The following LARS1 variants were observed in gnomAD, a reference collection of about 807,000 sequenced individuals.
The protein encoded by LARS1 is leucyl-tRNA synthetase 1.
LARS1 carries 100 observed loss-of-function variants against 162.8 expected under a neutral mutation model. The observed-to-expected ratio is 0.61, with a 90% confidence interval of 0.52 to 0.73. LARS1 has a LOEUF of 0.73. Among genes scored for constraint, LARS1 ranks in the 30% least tolerant of loss-of-function variants. LARS1 has a pLI of 0.00. For missense variants in LARS1, 1,258 were observed against 1,408.9 expected, an observed-to-expected ratio of 0.89 and a Z score of 1.71; for synonymous variants, 457 against 462.8, an observed-to-expected ratio of 0.99 and a Z score of 0.16.
chr5:146,176,985 TAAAAC>T (rs767606537), intron 2 of LARS1, among the ~76,000 whole-genome samples: 11 of 152,028 alleles, frequency 7.2e-5, no homozygotes, highest in South Asian at 2.1e-4. Context: ...CTGTAGTCTT[TAAAAC>T]AAAACAAAAC....
chr5:146,128,883 A>G, intron 26 of LARS1, 95 bp downstream of exon 26: 1 of 1,438,528 alleles, frequency 7.0e-7, no homozygotes, highest in Non-Finnish European at 9.5e-7. Flanking sequence ...TTCACCATTA[A>G]TGAAAATCTT....
At chr5:146,137,144 C>T (rs1425164072) in intron 21 of LARS1, among the ~76,000 whole-genome samples, 3 of 152,176 alleles carry the variant, frequency 2.0e-5, no homozygotes, top group Non-Finnish European at 2.9e-5. Flanking sequence ...GTGATCCACC[C>T]GCCTTGGCCT....
At chr5:146,120,260 A>G in intron 31 of LARS1, 111 bp downstream of exon 31, 1 of 1,155,264 alleles carries the variant, frequency 8.7e-7, no homozygotes, top group South Asian at 1.4e-5. Context: ...TTTTTCCATA[A>G]TAATACACAG....
intron 18 of LARS1, 77 bp from the exon 19 acceptor site, chr5:146,143,627 T>C: frequency 7.7e-7 from 1 of 1,306,542 alleles, no homozygotes. Context: ...AGAAGGGGGC[T>C]ATAACATTTA....
intron 21 of LARS1, among the ~76,000 whole-genome samples, chr5:146,136,875 T>A (rs929397970): frequency 6.6e-6 from 1 of 152,232 alleles, no homozygotes; most frequent in South Asian, 2.1e-4. Context: ...TCAGCTGCCA[T>A]TTGTTTAAAG....
At chr5:146,144,192 G>T in intron 18 of LARS1, 75 bp downstream of exon 18, 1 of 1,086,394 alleles carries the variant, frequency 9.2e-7, no homozygotes, top group Non-Finnish European at 1.4e-6. Flanking sequence ...TGAGGGCAGG[G>T]GGGAAAGGTA....
chr5:146,115,514 C>G (rs1366533835), intron 31 of LARS1, among the ~76,000 whole-genome samples: 3 of 132,426 alleles, frequency 2.3e-5, no homozygotes, highest in Non-Finnish European at 4.6e-5. Context: ...AGGATGAGGT[C>G]TAATACCCAC....
intron 15 of LARS1, among the ~76,000 whole-genome samples, chr5:146,145,311 C>T (rs1172195835): frequency 6.6e-6 from 1 of 152,010 alleles, no homozygotes; most frequent in African/African-American, 2.4e-5. Context: ...TCTCGAACCC[C>T]TGGGCTCAAG....
chr5:146,152,076 C>A, intron 13 of LARS1, 74 bp from the exon 14 acceptor site: 1 of 1,495,146 alleles, frequency 6.7e-7, no homozygotes, highest in Non-Finnish European at 9.2e-7. Flanking sequence ...AGTCCTTTTG[C>A]CTCTAATGTC....
intron 27 of LARS1, among the ~76,000 whole-genome samples, chr5:146,127,646 C>T (rs1322264215): frequency 6.6e-6 from 1 of 152,072 alleles, no homozygotes; most frequent in African/African-American, 2.4e-5. Context: ...GGTAGTTTCA[C>T]TTTTGTGCCA....
chr5:146,169,354 G>A (rs924685077), intron 4 of LARS1, among the ~76,000 whole-genome samples: 1 of 152,022 alleles, frequency 6.6e-6, no homozygotes, highest in African/African-American at 2.4e-5. Context: ...CACTGTTAAA[G>A]TTATGAGAAA....
chr5:146,161,941 A>T (rs1298499526), intron 6 of LARS1, among the ~76,000 whole-genome samples: 2 of 152,144 alleles, frequency 1.3e-5, no homozygotes, highest in Non-Finnish European at 2.9e-5. Context: ...CATCCATTCA[A>T]GTTTTCTCAT....
chr5:146,176,194 C>T (rs1254600121), intron 2 of LARS1, among the ~76,000 whole-genome samples: 1 of 151,850 alleles, frequency 6.6e-6, no homozygotes, highest in Admixed American at 6.6e-5. Flanking sequence ...TGGCTTATGC[C>T]TGTAATCCCG....
chr5:146,133,692 C>CA (rs55993097), intron 22 of LARS1, among the ~76,000 whole-genome samples: 97,569 of 112,350 alleles, frequency 0.87, 43,219 homozygotes, highest in Non-Finnish European at 0.95. Flanking sequence ...TATAGGGTTG[C>CA]AAAAAAAAAA....
At chr5:146,165,584 C>T (rs2126560332) in intron 5 of LARS1, among the ~76,000 whole-genome samples, 1 of 151,760 alleles carries the variant, frequency 6.6e-6, no homozygotes, top group South Asian at 2.1e-4. Context: ...TTAAAAAATT[C>T]AACCACGATG....
At chr5:146,166,051 T>C (rs566744009) in intron 5 of LARS1, among the ~76,000 whole-genome samples, 8 of 152,306 alleles carry the variant, frequency 5.3e-5, no homozygotes, top group Middle Eastern at 3.4e-3. Flanking sequence ...GACATAAATA[T>C]ATTTCCTTGC....
intron 2 of LARS1, among the ~76,000 whole-genome samples, chr5:146,173,270 T>C (rs1561496649): frequency 3.9e-5 from 6 of 151,940 alleles, no homozygotes; most frequent in South Asian, 4.2e-4. Context: ...CGCCTGATCA[T>C]TGAACCTGAG....
chr5:146,144,828 A>AT, intron 15 of LARS1, 119 bp from the exon 16 acceptor site: 2 of 847,714 alleles, frequency 2.4e-6, no homozygotes, highest in Admixed American at 4.7e-5. Flanking sequence ...CCACATTTTC[A>AT]TTATGTCTTG....
chr5:146,168,382 C>T (rs918802414), intron 4 of LARS1, 117 bp from the exon 5 acceptor site: 1 of 1,042,326 alleles, frequency 9.6e-7, no homozygotes. Context: ...TATATTGATA[C>T]CTATGTGGCT....
Sources: gnomAD v4.1 joint callset for allele counts (sites outside exome capture counted in the v4.1 genomes callset) on GRCh38, gnomAD v4.1.1 for gene constraint, MANE v1.5 for transcripts, NCBI Gene and HGNC (gene_info 2026-07-23, HGNC 2026-07-21) for gene names.